Variants in CIITA observed in about 807,000 individuals in gnomAD.
CIITA encodes the protein class II major histocompatibility complex transactivator.
A neutral mutation model predicts 115.1 loss-of-function variants in CIITA; 72 were observed. The ratio of observed to expected loss-of-function variants is 0.63; its 90% CI spans 0.52 to 0.76. The LOEUF is 0.76. Among genes scored for constraint, CIITA ranks in the 30% least tolerant of loss-of-function variants. The pLI is 0.00. For synonymous variants in CIITA, 763 were observed against 635.6 expected (o/e 1.20, Z -3.02); for missense variants, 1,617 against 1,463.8 (o/e 1.10, Z -1.71).
rs76547378 is a variant in CIITA, at chr16:10,926,462, T to C, written c.*2607T>C. ...TTTTGGTCTGACCCACTGCTTTTGG[T>C]CTGTGTGATGATGAAATGAGGTCAG... is the stretch of plus-strand genomic sequence containing the variant. On this transcript the variant is annotated 3_prime_UTR_variant, in exon 20 of 20. Coordinates refer to ENST00000324288, the MANE Select transcript of CIITA (RefSeq NM_000246.4). 5.9e-3 allele frequency: 898 copies of C among 152,378 alleles called. 2 individuals carry two copies. Among genetic ancestry groups the C allele is most frequent in the Admixed American group, 8.5e-3 (130 of 15,312 alleles). The allele number at this position is 152,378 out of a possible 1,614,324, so 9.4% of individuals were successfully genotyped here. A position where few individuals can be genotyped will look rare whatever the true frequency, so the allele number is the denominator to read the frequency against.
At chr16:10,868,099 CCTT>C (rs548725806) in intron 1 of CIITA, among the ~76,000 whole-genome samples, 17 of 152,146 alleles carry the variant, frequency 1.1e-4, no homozygotes, top group Non-Finnish European at 1.6e-4. Flanking sequence ...TGTTCCATCT[CCTT>C]CTGAAATGCA....
chr16:10,890,229 G>A (rs1343138957), intron 1 of CIITA, among the ~76,000 whole-genome samples: 1 of 152,060 alleles, frequency 6.6e-6, no homozygotes, highest in African/African-American at 2.4e-5. Context: ...CAACTTCTCA[G>A]TGGTGGTGAT....
chr16:10,890,620 G>C (rs2037467154), intron 1 of CIITA, among the ~76,000 whole-genome samples: 1 of 152,152 alleles, frequency 6.6e-6, no homozygotes, highest in Admixed American at 6.5e-5. Flanking sequence ...TATGAAGTCT[G>C]CAGGGTCCCC....
At chr16:10,936,509 C>T (rs1344377541), downstream of CIITA, 5 of 152,202 alleles carry the variant, frequency 3.3e-5, no homozygotes, top group African/African-American at 1.2e-4. Flanking sequence ...TGTACATGAG[C>T]AAAGTGCTAA....
intron 16 of CIITA, among the ~76,000 whole-genome samples, chr16:10,919,841 C>A (rs1456547467): frequency 6.6e-6 from 1 of 152,070 alleles, no homozygotes; most frequent in African/African-American, 2.4e-5. Flanking sequence ...TTTTGAGTTT[C>A]TTTGCGTAGT....
intron 9 of CIITA, among the ~76,000 whole-genome samples, chr16:10,904,115 C>T (rs1444973012): frequency 6.6e-6 from 1 of 152,182 alleles, no homozygotes; most frequent in Non-Finnish European, 1.5e-5. Context: ...AGCCATCAGC[C>T]TTCAGCTGCT....
chr16:10,889,825 G>T (rs899718847), intron 1 of CIITA, among the ~76,000 whole-genome samples: 1 of 152,120 alleles, frequency 6.6e-6, no homozygotes, highest in Admixed American at 6.5e-5. Context: ...AACTAATATT[G>T]GGAAAACTGA....
chr16:10,922,584 C>A, intron 18 of CIITA, 94 bp downstream of exon 18: 1 of 1,242,300 alleles, frequency 8.0e-7, no homozygotes, highest in Non-Finnish European at 1.2e-6. Flanking sequence ...CTCTTCCCTT[C>A]ACCAATCTGC....
chr16:10,893,369 C>T (rs1325174226), intron 1 of CIITA, among the ~76,000 whole-genome samples: 1 of 152,184 alleles, frequency 6.6e-6, no homozygotes, highest in East Asian at 1.9e-4. Context: ...GATGAGCCTT[C>T]AGCTTGGCTT....
Position 10,895,778 on chromosome 16 carries a change from T to A in CIITA, c.295+14T>A. The A allele has an allele frequency of 1.2e-6, 2 of 1,613,226 alleles. No homozygotes were observed. Among genetic ancestry groups the A allele is most frequent in the Non-Finnish European group, 1.7e-6 (2 of 1,179,228 alleles). ...ATGCCAATATCGGTGAGGAAGCACC[T>A]GAGCCCAGAAAAGGACAATCAAGGG... is the stretch of plus-strand genomic sequence containing the variant. On this transcript the variant is annotated intron_variant, in intron 3 of 19. Coordinates refer to ENST00000324288, the MANE Select transcript of CIITA (RefSeq NM_000246.4).
chr16:10,909,433 T>C (rs1214524403), intron 12 of CIITA, among the ~76,000 whole-genome samples: 3 of 152,218 alleles, frequency 2.0e-5, no homozygotes, highest in Non-Finnish European at 4.4e-5. Flanking sequence ...GCTAAAGCCA[T>C]GGAGAACCTC....
chr16:10,918,760 A>C (rs1279744087), intron 16 of CIITA, among the ~76,000 whole-genome samples: 3 of 152,190 alleles, frequency 2.0e-5, no homozygotes, highest in African/African-American at 7.2e-5. Context: ...CTATGTAAGC[A>C]CTTGTCACAA....
Position 10,923,379 on chromosome 16 carries a change from C to T in CIITA, c.*22+54C>T, listed in dbSNP as rs1260240259. The T allele has an allele frequency of 4.3e-6, 6 of 1,400,562 alleles. No individual in the cohort carries two copies. The highest frequency in any genetic ancestry group is 5.1e-6 in the Non-Finnish European group (5 of 989,364). The allele number at this position is 1,400,562 out of a possible 1,614,324, so 86.8% of individuals were successfully genotyped here. On this transcript the variant is annotated intron_variant, in intron 19 of 19. Coordinates refer to ENST00000324288, the MANE Select transcript of CIITA (RefSeq NM_000246.4). This position sits in a 1 kb window ranked among gnomAD's most constrained non-coding sequence, Gnocchi z 5.2. ...GCCGCAGTGGGTTGGGGGCAGTGTC[C>T]TTGTGAAGGTGGCATTCAAAAAATG... is the stretch of plus-strand genomic sequence containing the variant.
chr16:10,872,139 G>T (rs1397300370), intron 1 of CIITA, among the ~76,000 whole-genome samples: 1 of 151,358 alleles, frequency 6.6e-6, no homozygotes, highest in Admixed American at 6.6e-5. Context: ...TTTTGGGTGG[G>T]GGGGACACAG....
intron 16 of CIITA, among the ~76,000 whole-genome samples, chr16:10,921,265 C>G (rs1459014978): frequency 1.3e-5 from 2 of 152,252 alleles, no homozygotes; most frequent in Non-Finnish European, 2.9e-5. Flanking sequence ...TGTTAAAAGG[C>G]TGCTTGGTGT....
In CIITA at chr16:10,908,157, G is replaced by A; in HGVS notation, c.2657+8G>A. 1 of 1,555,776 alleles carries A rather than the reference G, an allele frequency of 6.4e-7. No homozygotes were observed. Among genetic ancestry groups the A allele is most frequent in the Non-Finnish European group, 8.7e-7 (1 of 1,149,490 alleles). On this transcript the variant is annotated splice_region_variant and intron_variant, in intron 11 of 19. Transcript: ENST00000324288. ...CTGTGTCACCCGTTTCAGGTGGGGT[G>A]AGGGGCTTGGGGAAGAGACATCCTT...
downstream of CIITA, chr16:10,938,274 G>A (rs1398647210): frequency 1.3e-5 from 2 of 151,902 alleles, no homozygotes; most frequent in African/African-American, 4.8e-5. The surrounding 1 kb of genome is among the most constrained non-coding windows in gnomAD (Gnocchi z 4.9). Context: ...GTGAACCCAG[G>A]GCCCTGGCTC....
At chr16:10,891,482 T>A (rs971115198) in intron 1 of CIITA, among the ~76,000 whole-genome samples, 2 of 152,104 alleles carry the variant, frequency 1.3e-5, no homozygotes, top group African/African-American at 4.8e-5. Context: ...CTTATAGAAA[T>A]GTTATAGATA....
chr16:10,902,343 C>A (rs928950689), intron 7 of CIITA, among the ~76,000 whole-genome samples, 159 bp downstream of exon 7: 1 of 152,182 alleles, frequency 6.6e-6, no homozygotes, highest in African/African-American at 2.4e-5. Context: ...CTTGGGGCCC[C>A]CGTCAGCTCA....
Sources: gnomAD v4.1 joint callset for allele counts (sites outside exome capture counted in the v4.1 genomes callset) on GRCh38, gnomAD v4.1.1 for gene constraint, Gnocchi (gnomAD v3.1) non-coding constraint, MANE v1.5 for transcripts, NCBI Gene and HGNC (gene_info 2026-07-23, HGNC 2026-07-21) for gene names.